Variants in RCSD1 observed in about 807,000 individuals in gnomAD.
The protein encoded by RCSD1 is capZ-interacting protein.
A neutral mutation model predicts 42.5 loss-of-function variants in RCSD1; 26 were observed. The observed-to-expected ratio is 0.61, with a 90% CI of 0.45 to 0.85. The LOEUF (loss-of-function observed/expected upper bound fraction) is 0.85. Ranked by LOEUF, RCSD1 falls within the 40% of genes least tolerant of loss-of-function variation. The probability of loss-of-function intolerance (pLI) is 0.00; values close to 1 mark genes in which losing one functional copy is unlikely to be tolerated. For missense variants in RCSD1, 571 were observed against 528.3 expected (o/e 1.08, Z -0.79); for synonymous variants, 220 against 212.2 (o/e 1.04, Z -0.32).
At chr1:167,688,236 T>C (rs945082404) in intron 3 of RCSD1, among the ~76,000 whole-genome samples, 20 of 152,288 alleles carry the variant, frequency 1.3e-4, no homozygotes, top group Admixed American at 6.5e-4. Flanking sequence ...CAGGGTCCAC[T>C]GAATTTCCAC....
chr1:167,706,486 A>G lies in RCSD1; in HGVS notation c.*1790A>G, dbSNP rs1436961242. 6.6e-6 allele frequency among the ~76,000 whole-genome samples: 1 copy of G among 152,220 alleles called. No individual in the cohort carries two copies. The highest frequency in any genetic ancestry group is 1.9e-4 in the East Asian group (1 of 5,206). ...GTGATGAAAAGGGCCACTTTACTTGAGGAAGGCATGGAACAGAAAGTATGG... is the reference window on the plus strand; with the variant it reads ...GTGATGAAAAGGGCCACTTTACTTGGGGAAGGCATGGAACAGAAAGTATGG... On this transcript the variant is annotated 3_prime_UTR_variant, in exon 7 of 7. Transcript: ENST00000367854.
intron 3 of RCSD1, among the ~76,000 whole-genome samples, chr1:167,687,153 A>G (rs7547073): frequency 0.043 from 6,509 of 152,274 alleles, 273 homozygotes; most frequent in African/African-American, 0.11. Context: ...ATTTTAGAAA[A>G]TCCTGCCTGG....
intron 4 of RCSD1, among the ~76,000 whole-genome samples, chr1:167,692,417 C>A (rs1295608084): frequency 2.6e-5 from 4 of 152,186 alleles, no homozygotes; most frequent in African/African-American, 9.7e-5. Context: ...GTCCAGTGAA[C>A]CCCCTCTGCC....
At chr1:167,641,016 A>C (rs1657991475) in intron 1 of RCSD1, among the ~76,000 whole-genome samples, 1 of 152,074 alleles carries the variant, frequency 6.6e-6, no homozygotes, top group African/African-American at 2.4e-5. Flanking sequence ...TTGGGTGCAA[A>C]TTACCAAGGA....
chr1:167,682,726 C>T (rs980070624), intron 1 of RCSD1, among the ~76,000 whole-genome samples: 5 of 150,496 alleles, frequency 3.3e-5, no homozygotes, highest in African/African-American at 9.8e-5. Flanking sequence ...GGAGTAAGCT[C>T]GCTGCTGGAG....
chr1:167,663,373 C>T (rs1418002649), intron 1 of RCSD1: 2 of 151,778 alleles, frequency 1.3e-5, no homozygotes, highest in East Asian at 1.9e-4. Context: ...CTGGACTTGC[C>T]CTTTATGGCC....
intron 1 of RCSD1, among the ~76,000 whole-genome samples, chr1:167,642,188 T>C (rs1658022927): frequency 6.6e-6 from 1 of 152,212 alleles, no homozygotes; most frequent in South Asian, 2.1e-4. Flanking sequence ...TGATGAGAGC[T>C]AGAAGTACTT....
Position 167,708,135 on chromosome 1 carries a change from T to C in RCSD1, c.*3439T>C, listed in dbSNP as rs1659801488. On this transcript the variant is annotated 3_prime_UTR_variant, in exon 7 of 7. Coordinates refer to ENST00000367854, the MANE Select transcript of RCSD1 (RefSeq NM_052862.4). ...ACGTGTCTATACCTGAATCAACTGT[T>C]ACAACCAAGCAGATGCAGAGACTGC... is the stretch of plus-strand genomic sequence containing the variant. Among the ~76,000 whole-genome samples the C allele has an allele frequency of 2.0e-5, 3 of 152,172 alleles. 1 individual carries two copies. The highest frequency in any genetic ancestry group is 4.1e-4 in the South Asian group (2 of 4,830).
chr1:167,647,306 G>A (rs1658182136), intron 1 of RCSD1, among the ~76,000 whole-genome samples: 1 of 151,950 alleles, frequency 6.6e-6, no homozygotes, highest in South Asian at 2.1e-4. Context: ...TTAAAACAAG[G>A]GGCCAAGCAC....
rs71097689 is a variant in RCSD1 at position 167,630,721 on chromosome 1, TAAAAAAAAAAA to T, written c.6+314_6+324del. Reference sequence around the variant, plus strand: ...GTATTTTGGCTAGGAACTTAAATGCTAAAAAAAAAAAAAAAAAAAAAAAAAAAAAAAAGTTA... The same window carrying T: ...GTATTTTGGCTAGGAACTTAAATGCTAAAAAAAAAAAAAAAAAAAAAGTTA... On this transcript the variant is annotated intron_variant, in intron 1 of 6. Coordinates refer to ENST00000367854, the MANE Select transcript of RCSD1 (RefSeq NM_052862.4). The T allele has an allele frequency of 1.1e-3, 36 of 32,600 alleles. 1 individual carries two copies. Among genetic ancestry groups the T allele is most frequent in the East Asian group, 8.9e-3 (7 of 790 alleles). The allele number at this position is 32,600 out of a possible 1,614,324, so 2.0% of individuals were successfully genotyped here. A position where few individuals can be genotyped will look rare whatever the true frequency, so the allele number is the denominator to read the frequency against.
chr1:167,697,971 C>T, intron 6 of RCSD1, 129 bp downstream of exon 6: 1 of 1,180,780 alleles, frequency 8.5e-7, no homozygotes, highest in Non-Finnish European at 1.1e-6. Context: ...TGCCAGGCTC[C>T]TGCCTCGTGC....
Position 167,697,126 on chromosome 1 carries a change from C to G in RCSD1, c.502C>G (p.Arg168Gly), listed in dbSNP as rs142438914. The part of the protein sequence containing the change: ...KVRTRGSIKR[R>G]PPSRRFRRSQ... ...GCGGACGAGGGGCTCAATAAAAAGG[C>G]GCCCTCCCTCCAGGCGATTCCGAAG... Residue 168 changes from arginine (R) to glycine (G), a missense_variant, in exon 6 of 7, where the codon CGC becomes GGC. By Grantham distance (125) the Arg-to-Gly change is moderately radical. Transcript: ENST00000367854. 6.2e-7 allele frequency: 1 copy of G among 1,613,122 alleles called. No homozygotes were observed. Among genetic ancestry groups the G allele is most frequent in the Non-Finnish European group, 8.5e-7 (1 of 1,179,736 alleles).
At chr1:167,655,391 G>T (rs1658401963) in intron 1 of RCSD1, among the ~76,000 whole-genome samples, 1 of 152,096 alleles carries the variant, frequency 6.6e-6, no homozygotes, top group African/African-American at 2.4e-5. Flanking sequence ...TATTTTTTAG[G>T]GATCAGGGAG....
intron 1 of RCSD1, among the ~76,000 whole-genome samples, chr1:167,671,377 A>G (rs148694915): frequency 6.6e-6 from 1 of 152,330 alleles, no homozygotes; most frequent in African/African-American, 2.4e-5. Flanking sequence ...CCTGATCCTC[A>G]CAGTCCTTTC....
At chr1:167,672,681 A>G (rs1237994518) in intron 1 of RCSD1, among the ~76,000 whole-genome samples, 2 of 152,160 alleles carry the variant, frequency 1.3e-5, no homozygotes, top group Non-Finnish European at 2.9e-5. Context: ...CAGTCAGCTG[A>G]CTGGCAGCCT....
In RCSD1 at chr1:167,668,736, TAAA is replaced by T. The variant is rs57523926; in HGVS notation, c.7-15149_7-15147del. Among the ~76,000 whole-genome samples the T allele has an allele frequency of 9.5e-3, 1,236 of 130,398 alleles. 49 individuals carry two copies. In the East Asian group the frequency reaches 0.11, roughly 11 times the overall value. 85.5% of individuals were successfully genotyped at this position (130,398 alleles called of 152,430 possible). On this transcript the variant is annotated intron_variant, in intron 1 of 6. Transcript: ENST00000367854. ...ATGAATGAATATGTCCAAGATGTAC[TAAA>T]AAAAAAAAAAAAAAGAGGGAGCTGC...
chr1:167,697,231 G>A lies in RCSD1; in HGVS notation c.607G>A (p.Gly203Arg), dbSNP rs1183759536. ...GCAGAACGGTGCTAAGGAAGAGGAT[G>A]GGGATGAAGTGTTGCCATCCAAGAG... is the stretch of plus-strand genomic sequence containing the variant. ...SQQNGAKEEDGDEVLPSKSKA... is the reference protein window; with the variant it reads ...SQQNGAKEEDRDEVLPSKSKA... The change falls in exon 6 of 7, where the codon GGG becomes AGG. Residue 203 changes from glycine to arginine, a missense_variant. By Grantham distance (125) the Gly-to-Arg change is moderately radical (BLOSUM62 -2). Transcript: ENST00000367854. The A allele has an allele frequency of 6.2e-7, 1 of 1,614,202 alleles. No individual in the cohort carries two copies. The highest frequency in any genetic ancestry group is 8.5e-7 in the Non-Finnish European group (1 of 1,180,026).
chr1:167,652,554 A>C (rs1241062362), intron 1 of RCSD1, among the ~76,000 whole-genome samples: 1 of 152,222 alleles, frequency 6.6e-6, no homozygotes, highest in African/African-American at 2.4e-5. Flanking sequence ...AGCAGAGGAC[A>C]CACATTTTCT....
intron 6 of RCSD1, among the ~76,000 whole-genome samples, chr1:167,699,000 G>A (rs150442001): frequency 0.066 from 9,949 of 151,856 alleles, 389 homozygotes; most frequent in Middle Eastern, 0.15. Flanking sequence ...GGGTTTCACC[G>A]TGTTAGCCAG....
Sources: allele counts gnomAD v4.1 joint callset (sites outside exome capture counted in the v4.1 genomes callset), GRCh38; gene constraint gnomAD v4.1.1; transcripts MANE v1.5; gene names NCBI Gene and HGNC (gene_info 2026-07-23, HGNC 2026-07-21).